Variants in LAMC1 observed in about 807,000 individuals in gnomAD.
The protein encoded by LAMC1 is laminin subunit gamma 1, also known as laminin subunit gamma-1.
A neutral mutation model predicts 173.6 loss-of-function variants in LAMC1; 38 were observed. The ratio of observed to expected loss-of-function variants is 0.22; its 90% CI spans 0.17 to 0.29. The LOEUF is 0.29. LAMC1 is among the 10% of genes least tolerant of loss of function. The pLI is 1.00. For missense variants in LAMC1, 1,824 were observed against 2,051.8 expected (o/e 0.89, Z 2.14); for synonymous variants, 746 against 749.1 (o/e 1.00, Z 0.07).
rs201528799 is a variant in LAMC1, at chr1:183,105,690, G to A, written c.723+2058G>A. Among the ~76,000 whole-genome samples, 5 of 152,218 alleles carry A rather than the reference G, an allele frequency of 3.3e-5. No individual in the cohort carries two copies. The East Asian group carries it at 9.6e-4, about 29-fold the overall frequency. The stretch of plus-strand genomic sequence containing the variant: ...AGACGTGGTCAGTCAGTTTCATTAT[G>A]CAGTAACATGAGTTACGTGTCTCTG... On this transcript the variant is annotated intron_variant, in intron 2 of 27. Coordinates refer to ENST00000258341, the MANE Select transcript of LAMC1 (RefSeq NM_002293.4).
chr1:183,095,110 G>T (rs1655659782), intron 1 of LAMC1, among the ~76,000 whole-genome samples: 1 of 152,156 alleles, frequency 6.6e-6, no homozygotes, highest in African/African-American at 2.4e-5. Context: ...CTCCCAAAGT[G>T]CTGGGACTAC....
At chr1:183,121,444 TAAAC>T (rs1487838051) in intron 11 of LAMC1, among the ~76,000 whole-genome samples, 2 of 151,944 alleles carry the variant, frequency 1.3e-5, no homozygotes, top group Non-Finnish European at 2.9e-5. Flanking sequence ...AATATATATA[TAAAC>T]AAACAAATAA....
Position 183,111,120 on chromosome 1 carries a change from TCTCA to T in LAMC1, c.1021+470_1021+473del, listed in dbSNP as rs1297582367. On this transcript the variant is annotated intron_variant, in intron 4 of 27. Transcript: ENST00000258341. ...TTCTTTTTTTTTTTTTGAGACTGAG[TCTCA>T]CTCTGTCAGCTAGGCTGGAGTGAGT... Among the ~76,000 whole-genome samples, 6 of 149,614 alleles carry T rather than the reference TCTCA, an allele frequency of 4.0e-5. No individual in the cohort carries two copies. The East Asian group carries it at 1.2e-3, about 30-fold the overall frequency.
chr1:183,048,009 T>C (rs542813102), intron 1 of LAMC1, among the ~76,000 whole-genome samples: 2 of 152,278 alleles, frequency 1.3e-5, no homozygotes, highest in East Asian at 3.9e-4. Context: ...TCTCATGATA[T>C]TCAAGTTGCC....
chr1:183,056,968 C>T (rs1330828713), intron 1 of LAMC1, among the ~76,000 whole-genome samples: 3 of 152,180 alleles, frequency 2.0e-5, no homozygotes, highest in Non-Finnish European at 4.4e-5. Context: ...AATTGTAACA[C>T]ATGAATTAAT....
intron 4 of LAMC1, among the ~76,000 whole-genome samples, chr1:183,112,716 A>G (rs1174400125): frequency 6.6e-6 from 1 of 152,136 alleles, no homozygotes; most frequent in Non-Finnish European, 1.5e-5. Flanking sequence ...TGGTGGATTG[A>G]GGGATAAGCT....
intron 13 of LAMC1, among the ~76,000 whole-genome samples, chr1:183,123,343 T>A (rs1166296617): frequency 6.6e-6 from 1 of 152,138 alleles, no homozygotes; most frequent in Non-Finnish European, 1.5e-5. Flanking sequence ...CCTCACCTGC[T>A]CCCCTACAAT....
intron 11 of LAMC1, among the ~76,000 whole-genome samples, chr1:183,121,215 T>C (rs1294180559): frequency 6.6e-6 from 1 of 151,062 alleles, no homozygotes; most frequent in Non-Finnish European, 1.5e-5. Flanking sequence ...GGTCAGGAGT[T>C]CGAGACCAGC....
chr1:183,140,660 C>T lies in LAMC1; in HGVS notation c.4573+157C>T, dbSNP rs1345993079. Among the ~76,000 whole-genome samples the T allele has an allele frequency of 2.0e-5, 3 of 152,136 alleles. No individual in the cohort carries two copies. The East Asian group carries it at 5.8e-4, about 29-fold the overall frequency. On this transcript the variant is annotated intron_variant, in intron 27 of 27. Coordinates refer to ENST00000258341, the MANE Select transcript of LAMC1 (RefSeq NM_002293.4). Reference sequence around the variant, plus strand: ...TTATTAATATTTCCTTTTGCTGTTGCTTATTTTTGAAAGCCTTATAAAATA... The same window carrying T: ...TTATTAATATTTCCTTTTGCTGTTGTTTATTTTTGAAAGCCTTATAAAATA...
intron 1 of LAMC1, among the ~76,000 whole-genome samples, chr1:183,068,270 TAC>T (rs1243559633): frequency 2.0e-4 from 30 of 151,688 alleles, no homozygotes; most frequent in Non-Finnish European, 3.1e-4. Flanking sequence ...GTGTAAAGAA[TAC>T]ACACAATCTC....
intron 1 of LAMC1, among the ~76,000 whole-genome samples, chr1:183,053,009 G>T (rs1055946567): frequency 1.3e-5 from 2 of 152,126 alleles, no homozygotes; most frequent in Admixed American, 1.3e-4. Context: ...TGTAAACAAC[G>T]ATTACTCTGT....
intron 24 of LAMC1, 44 bp downstream of exon 24, chr1:183,135,200 G>T (rs1029657257): frequency 4.1e-5 from 48 of 1,183,584 alleles, no homozygotes; most frequent in Non-Finnish European, 5.7e-5. Flanking sequence ...TCCGCCACTA[G>T]AGTGATTTTT....
At chr1:183,049,567 A>G (rs1019890672) in intron 1 of LAMC1, among the ~76,000 whole-genome samples, 2 of 151,670 alleles carry the variant, frequency 1.3e-5, no homozygotes, top group Admixed American at 6.6e-5. Flanking sequence ...GGGTTCAAGC[A>G]ATTCTCCTGC....
In LAMC1 at chr1:183,144,146, C is replaced by T. The variant is rs922230868; in HGVS notation, c.*1356C>T. 1 of 152,600 alleles carries T rather than the reference C, an allele frequency of 6.6e-6. No individual in the cohort carries two copies. The highest frequency in any genetic ancestry group is 1.5e-5 in the Non-Finnish European group (1 of 68,052). 9.5% of individuals were successfully genotyped at this position (152,600 alleles called of 1,614,324 possible). Reference sequence around the variant, plus strand: ...GTTCCCTGCCACACACCCCCTTCCTCCTACCAACCCACCTTTGAGATTCAT... The same window carrying T: ...GTTCCCTGCCACACACCCCCTTCCTTCTACCAACCCACCTTTGAGATTCAT... On this transcript the variant is annotated 3_prime_UTR_variant, in exon 28 of 28. Coordinates refer to ENST00000258341, the MANE Select transcript of LAMC1 (RefSeq NM_002293.4).
intron 1 of LAMC1, among the ~76,000 whole-genome samples, chr1:183,027,237 G>A (rs1653713378): frequency 6.6e-6 from 1 of 151,984 alleles, no homozygotes; most frequent in Non-Finnish European, 1.5e-5. Context: ...GTTGCTATGG[G>A]AACCAGAATT....
rs374997914 is a variant in LAMC1, at chr1:183,116,943, G to A, written c.1564+40G>A. On this transcript the variant is annotated intron_variant, in intron 8 of 27. Coordinates refer to ENST00000258341, the MANE Select transcript of LAMC1 (RefSeq NM_002293.4). ...ATCCCCCAACCTGTTAGAACTGTGAGATTACACTTAAAATATTTTTAAAAA... is the reference window on the plus strand; with the variant it reads ...ATCCCCCAACCTGTTAGAACTGTGAAATTACACTTAAAATATTTTTAAAAA... The A allele has an allele frequency of 1.3e-5, 20 of 1,556,614 alleles. No individual in the cohort carries two copies. The African/African-American group carries it at 2.2e-4, about 17-fold the overall frequency.
intron 1 of LAMC1, among the ~76,000 whole-genome samples, chr1:183,055,207 C>T (rs1249757693): frequency 1.3e-5 from 2 of 151,714 alleles, no homozygotes; most frequent in Non-Finnish European, 2.9e-5. Flanking sequence ...CCAGGCTGGT[C>T]TCGAACTCCT....
intron 1 of LAMC1, among the ~76,000 whole-genome samples, chr1:183,072,740 G>T (rs1479419280): frequency 1.3e-5 from 2 of 152,194 alleles, no homozygotes; most frequent in Non-Finnish European, 2.9e-5. Context: ...CCCGTTGCTT[G>T]CCTTATGGCC....
chr1:183,063,123 A>G (rs1654782988), intron 1 of LAMC1, among the ~76,000 whole-genome samples: 1 of 152,174 alleles, frequency 6.6e-6, no homozygotes, highest in African/African-American at 2.4e-5. Context: ...ACCTTGTAAT[A>G]TTTTAAGATG....
Sources: gnomAD v4.1 joint callset for allele counts (sites outside exome capture counted in the v4.1 genomes callset) on GRCh38, gnomAD v4.1.1 for gene constraint, MANE v1.5 for transcripts, NCBI Gene and HGNC (gene_info 2026-07-23, HGNC 2026-07-21) for gene names.